IL36G: variants seen among roughly 807,000 people sequenced by gnomAD.
IL36G encodes interleukin 36 gamma, also known as interleukin-36 gamma.
Under a neutral mutation model 13.5 loss-of-function variants are expected in IL36G, and 10 were observed. The observed-to-expected ratio is 0.74, with a 90% CI of 0.46 to 1.26. The LOEUF (loss-of-function observed/expected upper bound fraction) is 1.26, where lower values mean the gene tolerates loss of function less well. Ranked by LOEUF, IL36G falls within the 50% of genes most tolerant of loss-of-function variation. The probability of loss-of-function intolerance (pLI) is 0.00; values close to 1 mark genes in which losing one functional copy is unlikely to be tolerated. For synonymous variants in IL36G, 84 were observed against 74.0 expected, an observed-to-expected ratio of 1.13 and a Z score of -0.69; for missense variants, 199 against 203.0, an observed-to-expected ratio of 0.98 and a Z score of 0.12.
intron 2 of IL36G, 97 bp from the exon 3 acceptor site, chr2:112,979,124 C>T: frequency 1.3e-6 from 1 of 741,704 alleles, no homozygotes; most frequent in South Asian, 1.7e-5. Context: ...CCACACCTTC[C>T]TTACAAAATG....
Position 112,985,132 on chromosome 2 carries a change from A to G in IL36G, c.*83A>G. 3.2e-6 allele frequency: 3 copies of G among 937,048 alleles called. No homozygotes were observed. The highest frequency in any genetic ancestry group is 1.6e-5 in the South Asian group (1 of 63,802). The allele number at this position is 937,048 out of a possible 1,614,324, so 58.0% of individuals were successfully genotyped here. On this transcript the variant is annotated 3_prime_UTR_variant, in exon 5 of 5. Transcript: ENST00000259205. ...TTTTCGTCTACATTTTCTTAGTGTCATTTTCACGCTGGTGCTGAGACAGGG... is the reference window on the plus strand; with the variant it reads ...TTTTCGTCTACATTTTCTTAGTGTCGTTTTCACGCTGGTGCTGAGACAGGG...
chr2:112,983,075 C>T (rs745772252), intron 4 of IL36G, among the ~76,000 whole-genome samples: 1 of 152,150 alleles, frequency 6.6e-6, no homozygotes, highest in Non-Finnish European at 1.5e-5. Context: ...CCTTAAGTTG[C>T]AAGTGCAGAT....
At chr2:112,980,384 T>A (rs1684241676) in intron 4 of IL36G, among the ~76,000 whole-genome samples, 1 of 152,124 alleles carries the variant, frequency 6.6e-6, no homozygotes, top group Admixed American at 6.5e-5. Flanking sequence ...TTATTAAAGA[T>A]ACTTTCCATA....
rs928957851 is a variant in IL36G, at chr2:112,985,350, C to T, written c.*301C>T. ...ACTCAAAGACCAAACACTGAGCTTT[C>T]TTCTAGGGGTGGGTATGAAGATGCT... On this transcript the variant is annotated 3_prime_UTR_variant, in exon 5 of 5. Transcript: ENST00000259205. The T allele has an allele frequency of 1.8e-5, 6 of 338,440 alleles. No individual in the cohort carries two copies. The highest frequency in any genetic ancestry group is 9.1e-5 in the Admixed American group (2 of 21,944). 21.0% of individuals were successfully genotyped at this position (338,440 alleles called of 1,614,324 possible).
chr2:112,983,850 G>A (rs1684307550), intron 4 of IL36G, among the ~76,000 whole-genome samples: 1 of 152,172 alleles, frequency 6.6e-6, no homozygotes. Context: ...TTAGAGAATA[G>A]AGTAGGTTCA....
At position 112,979,869 on chromosome 2, in the gene IL36G, G is replaced by T. The variant is rs28947210; in HGVS notation, c.161-140G>T. The T allele has an allele frequency of 6.8e-6, 4 of 588,742 alleles. No individual in the cohort carries two copies. In the Admixed American group the frequency reaches 9.7e-5, roughly 14 times the overall value. 36.5% of individuals were successfully genotyped at this position (588,742 alleles called of 1,614,324 possible). A position where few individuals can be genotyped will look rare whatever the true frequency, so the allele number is the denominator to read the frequency against. Reference sequence around the variant, plus strand: ...AATGAATGAATGAATGAATATGGGGGTTGGCCATTTGGTGGGTCTAGTTGG... The same window carrying T: ...AATGAATGAATGAATGAATATGGGGTTTGGCCATTTGGTGGGTCTAGTTGG... On this transcript the variant is annotated intron_variant, in intron 3 of 4. Transcript: ENST00000259205.
In IL36G at chr2:112,978,766, C is replaced by T. The variant is rs1684210132; in HGVS notation, c.55+73C>T. The T allele has an allele frequency of 5.6e-6, 8 of 1,424,524 alleles. No individual in the cohort carries two copies. The Admixed American group carries it at 1.4e-4, about 24-fold the overall frequency. 88.2% of individuals were successfully genotyped at this position (1,424,524 alleles called of 1,614,324 possible). A position where few individuals can be genotyped will look rare whatever the true frequency, so the allele number is the denominator to read the frequency against. On this transcript the variant is annotated intron_variant, in intron 2 of 4. Transcript: ENST00000259205. ...GCACTCACGCTATCTCCTGTGGAAG[C>T]CCCAGCCTTCTCTGCTCCTCTCTGT...
At position 112,980,056 on chromosome 2, in the gene IL36G, G is replaced by A; in HGVS notation, c.208G>A (p.Gly70Ser). The A allele has an allele frequency of 6.2e-7, 1 of 1,613,960 alleles. No homozygotes were observed. The highest frequency in any genetic ancestry group is 8.5e-7 in the Non-Finnish European group (1 of 1,179,826). The change falls in exon 4 of 5, where the codon GGC becomes AGC. Residue 70 changes from glycine to serine, a missense_variant. Physicochemically the swap from Gly to Ser is moderately conservative, Grantham distance 56. Transcript: ENST00000259205. The part of the protein sequence containing the change: ...TCKYPEALEQ[G>S]RGDPIYLGIQ... ...CAAGTATCCAGAGGCTCTTGAGCAA[G>A]GCAGAGGGGATCCCATTTATTTGGG...
chr2:112,978,169 T>G (rs145291752), intron 1 of IL36G, 91 bp downstream of exon 1: 544 of 171,682 alleles, frequency 3.2e-3, no homozygotes, highest in Non-Finnish European at 4.6e-3. Context: ...AAGGGCCACA[T>G]CAGGCTGGCT....
intron 3 of IL36G, 25 bp downstream of exon 3, chr2:112,979,350 C>G (rs750525195): frequency 1.5e-6 from 2 of 1,363,254 alleles, no homozygotes; most frequent in Non-Finnish European, 2.1e-6. Flanking sequence ...TGTGCCTTCC[C>G]CACTGTTTGC....
intron 2 of IL36G, 118 bp downstream of exon 2, chr2:112,978,811 G>A (rs1032705278): frequency 3.0e-6 from 3 of 998,220 alleles, no homozygotes; most frequent in East Asian, 2.5e-5. Context: ...TTCCCACCTG[G>A]TGCTGCCCAC....
intron 4 of IL36G, among the ~76,000 whole-genome samples, chr2:112,981,728 A>G (rs1269957584): frequency 6.6e-6 from 1 of 152,086 alleles, no homozygotes; most frequent in Non-Finnish European, 1.5e-5. Flanking sequence ...TTGGTGTTGC[A>G]TCTGGAAGAA....
At chr2:112,982,538 C>T (rs144433028) in intron 4 of IL36G, among the ~76,000 whole-genome samples, 7 of 152,162 alleles carry the variant, frequency 4.6e-5, no homozygotes, top group Admixed American at 6.5e-5. Flanking sequence ...CTTCAGGAGA[C>T]TTTGAGGTGG....
intron 2 of IL36G, 128 bp from the exon 3 acceptor site, chr2:112,979,093 G>C (rs1431898350): frequency 3.1e-6 from 2 of 645,662 alleles, no homozygotes; most frequent in African/African-American, 1.8e-5. Flanking sequence ...TGTGAGTGCT[G>C]TCAGTTTGGG....
intron 3 of IL36G, 100 bp from the exon 4 acceptor site, chr2:112,979,909 G>C (rs1044912574): frequency 5.1e-6 from 6 of 1,180,204 alleles, no homozygotes; most frequent in African/African-American, 4.6e-5. Flanking sequence ...ACACTCTTCA[G>C]CTCTCTTCCA....
intron 4 of IL36G, among the ~76,000 whole-genome samples, chr2:112,982,005 T>G (rs1234030304): frequency 6.6e-6 from 1 of 152,168 alleles, no homozygotes; most frequent in Non-Finnish European, 1.5e-5. Context: ...GCTTGAGATA[T>G]AGCTGTGCAC....
chr2:112,983,477 G>A (rs56782256), intron 4 of IL36G, among the ~76,000 whole-genome samples: 15 of 152,220 alleles, frequency 9.9e-5, no homozygotes, highest in African/African-American at 3.6e-4. Flanking sequence ...ATTTTGGCTG[G>A]GATGGAATGT....
intron 4 of IL36G, 98 bp downstream of exon 4, chr2:112,980,246 C>T: frequency 9.8e-7 from 1 of 1,018,622 alleles, no homozygotes; most frequent in Non-Finnish European, 1.4e-6. Flanking sequence ...TCTCATCTTC[C>T]TAAGCATATT....
At position 112,978,660 on chromosome 2, in the gene IL36G, G is replaced by A. The variant is rs771089638; in HGVS notation, c.22G>A (p.Ala8Thr). The A allele has an allele frequency of 9.3e-6, 15 of 1,614,186 alleles. No individual in the cohort carries two copies. The highest frequency in any genetic ancestry group is 1.7e-4 in the Middle Eastern group (1 of 6,056). Residue 8 changes from alanine (A) to threonine (T), a missense_variant, in exon 2 of 5, where the codon GCT becomes ACT. By Grantham distance (58) the Ala-to-Thr change is moderately conservative. Coordinates refer to ENST00000259205, the MANE Select transcript of IL36G (RefSeq NM_019618.4). ...CACTATGAGAGGCACTCCAGGAGAC[G>A]CTGATGGTGGAGGAAGGGCCGTCTA... MRGTPGD[A>T]DGGGRAVYQS... is the part of the protein sequence containing the mutation.
Sources: allele counts gnomAD v4.1 joint callset (sites outside exome capture counted in the v4.1 genomes callset), GRCh38; gene constraint gnomAD v4.1.1; transcripts MANE v1.5; gene names NCBI Gene and HGNC (gene_info 2026-07-23, HGNC 2026-07-21).